The following PTBP3 variants were observed in gnomAD, a reference collection of about 807,000 sequenced individuals.
The protein encoded by PTBP3 is polypyrimidine tract binding protein 3.
PTBP3 carries 20 observed loss-of-function variants against 58.7 expected under a neutral mutation model. The ratio of observed to expected loss-of-function variants is 0.34; its 90% confidence interval spans 0.24 to 0.50. PTBP3 has a LOEUF of 0.50. Ranked by LOEUF, PTBP3 falls within the 20% of genes least tolerant of loss-of-function variation. PTBP3 has a pLI of 0.98. For synonymous variants in PTBP3, 185 were observed against 219.8 expected (o/e 0.84, Z 1.40); for missense variants, 509 against 637.2 (o/e 0.80, Z 2.17).
intron 4 of PTBP3, among the ~76,000 whole-genome samples, chr9:112,264,105 T>C (rs564735442): frequency 6.6e-6 from 1 of 152,196 alleles, no homozygotes; most frequent in Non-Finnish European, 1.5e-5. Context: ...AAGGAAATAA[T>C]AGCAGTAGTA....
At chr9:112,357,914 T>C in the PTBP3 span, among the ~76,000 whole-genome samples, 5 of 152,170 alleles carry the variant, frequency 3.3e-5, no homozygotes, top group African/African-American at 1.2e-4. Flanking sequence ...GATGGGGTGA[T>C]GGTTGCACAA....
chr9:112,320,291 A>AAAAT (rs1411646280), intron 1 of PTBP3, among the ~76,000 whole-genome samples: 74 of 73,524 alleles, frequency 1.0e-3, no homozygotes, highest in South Asian at 5.8e-3. Context: ...AAAAAAAAAA[A>AAAAT]ATATATATAT....
chr9:112,346,242 G>T, the PTBP3 span, among the ~76,000 whole-genome samples: 1 of 151,536 alleles, frequency 6.6e-6, no homozygotes, highest in Non-Finnish European at 1.5e-5. Context: ...ATCTCAGCTT[G>T]CTGCAACCTT....
chr9:112,308,498 C>T (rs1401173899), intron 1 of PTBP3, among the ~76,000 whole-genome samples: 1 of 151,480 alleles, frequency 6.6e-6, no homozygotes, highest in Non-Finnish European at 1.5e-5. Context: ...TATTTATATC[C>T]TAAGTGTCTC....
intron 3 of PTBP3, among the ~76,000 whole-genome samples, chr9:112,270,211 G>C (rs147381589): frequency 6.6e-6 from 1 of 152,100 alleles, no homozygotes; most frequent in African/African-American, 2.4e-5. Flanking sequence ...CAGAATGCTG[G>C]GATTACAGGC....
intron 3 of PTBP3, among the ~76,000 whole-genome samples, chr9:112,273,988 C>T (rs1192375390): frequency 6.6e-6 from 1 of 152,184 alleles, no homozygotes; most frequent in African/African-American, 2.4e-5. Context: ...GCCTGCTCAG[C>T]CTTTCACAGG....
At chr9:112,227,236 G>A (rs1835024061) in intron 12 of PTBP3, among the ~76,000 whole-genome samples, 175 bp downstream of exon 12, 1 of 152,114 alleles carries the variant, frequency 6.6e-6, no homozygotes, top group Admixed American at 6.6e-5. Flanking sequence ...CTATTTTAGA[G>A]TGTAGGATTG....
chr9:112,327,941 A>G (rs1830223836), intron 1 of PTBP3, among the ~76,000 whole-genome samples: 1 of 152,230 alleles, frequency 6.6e-6, no homozygotes. Flanking sequence ...CTGGAAACAC[A>G]GTAGTGAAGA....
intron 2 of PTBP3, among the ~76,000 whole-genome samples, chr9:112,293,148 A>G (rs1275974735): frequency 7.2e-5 from 11 of 152,204 alleles, no homozygotes; most frequent in Admixed American, 5.2e-4. Flanking sequence ...TACTATATTT[A>G]TTGGCTTATT....
intron 1 of PTBP3, among the ~76,000 whole-genome samples, chr9:112,320,294 ATATAT>A (rs1829877217): frequency 4.4e-5 from 2 of 45,346 alleles, no homozygotes; most frequent in African/African-American, 3.3e-4. Flanking sequence ...AAAAAAAAAT[ATATAT>A]ATATATATAT....
At chr9:112,371,738 CATTT>C in the PTBP3 span, among the ~76,000 whole-genome samples, 9 of 138,356 alleles carry the variant, frequency 6.5e-5, no homozygotes, top group African/African-American at 2.5e-4. Context: ...ACAATTCATT[CATTT>C]TTGTTTTTTG....
At chr9:112,330,612 A>G (rs1587902293) in intron 1 of PTBP3, 3 of 587,378 alleles carry the variant, frequency 5.1e-6, no homozygotes, top group Non-Finnish European at 8.7e-6. Flanking sequence ...GAGTTGTGAA[A>G]TATTAATACA....
chr9:112,251,136 A>C (rs1836098844), intron 6 of PTBP3, 33 bp from the exon 7 acceptor site: 2 of 1,485,102 alleles, frequency 1.3e-6, no homozygotes, highest in East Asian at 2.5e-5. Context: ...TGGTTTTGGC[A>C]AGACAACAAC....
Position 112,223,619 on chromosome 9 carries a change from C to A in PTBP3, c.*232G>T. 1 of 1,212,812 alleles carries A rather than the reference C, an allele frequency of 8.2e-7. No individual in the cohort carries two copies. The highest frequency in any genetic ancestry group is 1.0e-6 in the Non-Finnish European group (1 of 968,134). The allele number at this position is 1,212,812 out of a possible 1,614,324, so 75.1% of individuals were successfully genotyped here. On this transcript the variant is annotated 3_prime_UTR_variant, in exon 14 of 14. Coordinates refer to ENST00000374257, the MANE Select transcript of PTBP3 (RefSeq NM_001163788.4). Reference sequence around the variant, plus strand: ...AATTTTTTTCCTGATTTTCTTTTTCCTGAAGGTTATTTTTGTAGAAACCAT... The same window carrying A: ...AATTTTTTTCCTGATTTTCTTTTTCATGAAGGTTATTTTTGTAGAAACCAT...
intron 1 of PTBP3, among the ~76,000 whole-genome samples, chr9:112,321,595 A>T (rs10733587): frequency 2.6e-5 from 4 of 151,412 alleles, no homozygotes; most frequent in Non-Finnish European, 5.9e-5. Context: ...TTCTTGGACC[A>T]ATCAGGGAAG....
chr9:112,285,964 C>T (rs1324867375), intron 2 of PTBP3, among the ~76,000 whole-genome samples: 1 of 152,152 alleles, frequency 6.6e-6, no homozygotes, highest in Non-Finnish European at 1.5e-5. Flanking sequence ...TTAGTTTTCA[C>T]TTTACGTGTT....
the PTBP3 span, among the ~76,000 whole-genome samples, chr9:112,349,896 A>C: frequency 7.0e-6 from 1 of 142,504 alleles, no homozygotes; most frequent in Admixed American, 7.0e-5. Context: ...AAAAGAATTC[A>C]GTTGAATTAC....
At chr9:112,358,403 CAT>C in the PTBP3 span, among the ~76,000 whole-genome samples, 1 of 152,200 alleles carries the variant, frequency 6.6e-6, no homozygotes, top group Non-Finnish European at 1.5e-5. Context: ...CTCTAATGCA[CAT>C]GACAGCCTCC....
the PTBP3 span, among the ~76,000 whole-genome samples, chr9:112,362,115 G>T: frequency 1.3e-5 from 2 of 152,118 alleles, no homozygotes; most frequent in East Asian, 3.9e-4. Context: ...GAGGCAGGAG[G>T]ATTGCTTGAG....
Sources: gnomAD v4.1 joint callset for allele counts (sites outside exome capture counted in the v4.1 genomes callset) on GRCh38, gnomAD v4.1.1 for gene constraint, MANE v1.5 for transcripts, NCBI Gene and HGNC (gene_info 2026-07-23, HGNC 2026-07-21) for gene names.